The following DYRK1A variants were observed in gnomAD, a reference collection of about 807,000 sequenced individuals.
DYRK1A encodes the protein dual specificity tyrosine phosphorylation regulated kinase 1A.
Under a neutral mutation model 79.7 loss-of-function variants are expected in DYRK1A, and 9 were observed. The observed-to-expected ratio is 0.11, with a 90% CI of 0.07 to 0.20. The LOEUF is 0.20. Ranked by LOEUF, DYRK1A falls within the 10% of genes least tolerant of loss-of-function variation. The probability of loss-of-function intolerance (pLI) is 1.00; values close to 1 mark genes in which losing one functional copy is unlikely to be tolerated. For missense variants in DYRK1A, 622 were observed against 956.0 expected (o/e 0.65, Z 4.61); for synonymous variants, 349 against 329.7 (o/e 1.06, Z -0.63).
intron 1 of DYRK1A, among the ~76,000 whole-genome samples, chr21:37,377,367 C>A (rs2049567416): frequency 6.6e-6 from 1 of 152,188 alleles, no homozygotes. Context: ...GATCCGCTTA[C>A]CTCGGCCTCC....
At chr21:37,445,479 G>T (rs2051238408) in intron 2 of DYRK1A, among the ~76,000 whole-genome samples, 2 of 152,162 alleles carry the variant, frequency 1.3e-5, no homozygotes, top group South Asian at 4.1e-4. Flanking sequence ...TGCTTTTGTG[G>T]AGCTCGTTTT....
chr21:37,432,098 A>G (rs1163537181), intron 2 of DYRK1A, among the ~76,000 whole-genome samples: 1 of 152,188 alleles, frequency 6.6e-6, no homozygotes, highest in Non-Finnish European at 1.5e-5. Context: ...TTATGTTTTC[A>G]TGATACCTAA....
At chr21:37,422,823 AAT>A (rs1263777858) in intron 2 of DYRK1A, among the ~76,000 whole-genome samples, 1 of 152,152 alleles carries the variant, frequency 6.6e-6, no homozygotes, top group Non-Finnish European at 1.5e-5. Context: ...GAGAGAAAAA[AAT>A]AGTTTTACTG....
rs1395930040 is a variant in DYRK1A at position 37,519,840 on chromosome 21, C to T, written c.*7309C>T. Reference sequence around the variant, plus strand: ...CACTGCAAGCTCCGCCTCCTGGGTTCACGCCATTCGCCTGCCTCAGCCTCC... The same window carrying T: ...CACTGCAAGCTCCGCCTCCTGGGTTTACGCCATTCGCCTGCCTCAGCCTCC... On this transcript the variant is annotated 3_prime_UTR_variant, in exon 12 of 12. Coordinates refer to ENST00000647188, the MANE Select transcript of DYRK1A (RefSeq NM_001347721.2). 1 of 147,748 alleles carries T rather than the reference C, an allele frequency of 6.8e-6. No homozygotes were observed. The highest frequency in any genetic ancestry group is 1.5e-5 in the Non-Finnish European group (1 of 67,476). The allele number at this position is 147,748 out of a possible 1,614,324, so 9.2% of individuals were successfully genotyped here. A position where few individuals can be genotyped will look rare whatever the true frequency, so the allele number is the denominator to read the frequency against.
intron 7 of DYRK1A, 42 bp from the exon 8 acceptor site, chr21:37,492,975 T>C: frequency 6.6e-7 from 1 of 1,514,556 alleles, no homozygotes; most frequent in African/African-American, 1.4e-5. Context: ...CTGACTGCAG[T>C]TTTAAGCAAT....
intron 1 of DYRK1A, among the ~76,000 whole-genome samples, chr21:37,380,929 ACTTCTATCAG>A (rs956172221): frequency 6.6e-6 from 1 of 151,988 alleles, no homozygotes; most frequent in Non-Finnish European, 1.5e-5. Flanking sequence ...TGGGATCATC[ACTTCTATCAG>A]CTCTTCTATC....
chr21:37,478,322 T>C lies in DYRK1A; in HGVS notation c.300+22T>C, dbSNP rs745517944. Reference sequence around the variant, plus strand: ...TGAGGTAAGACTTGATTTGTTATAATAACATCTATCTTGCAGTATGTCATT... The same window carrying C: ...TGAGGTAAGACTTGATTTGTTATAACAACATCTATCTTGCAGTATGTCATT... On this transcript the variant is annotated intron_variant, in intron 4 of 11. Transcript: ENST00000647188. 4.4e-6 allele frequency: 7 copies of C among 1,607,660 alleles called. No homozygotes were observed. The East Asian group carries it at 1.6e-4, about 36-fold the overall frequency.
intron 2 of DYRK1A, among the ~76,000 whole-genome samples, chr21:37,462,262 G>A (rs1316853630): frequency 6.6e-6 from 1 of 152,136 alleles, no homozygotes; most frequent in East Asian, 1.9e-4. Context: ...TGGCCCGTGA[G>A]TGTTTGGATT....
At chr21:37,392,114 C>A (rs949578034) in intron 1 of DYRK1A, among the ~76,000 whole-genome samples, 2 of 152,126 alleles carry the variant, frequency 1.3e-5, no homozygotes, top group Admixed American at 1.3e-4. Flanking sequence ...GTTTGTGTGC[C>A]TGTATGTGAC....
intron 2 of DYRK1A, among the ~76,000 whole-genome samples, chr21:37,447,538 A>G (rs2051312690): frequency 6.6e-6 from 1 of 152,146 alleles, no homozygotes; most frequent in Non-Finnish European, 1.5e-5. Flanking sequence ...CTTTTGTGCT[A>G]CATGGGAAGA....
upstream of DYRK1A, among the ~76,000 whole-genome samples, chr21:37,366,733 T>C (rs1450116746): frequency 1.3e-5 from 2 of 151,576 alleles, no homozygotes. Context: ...CGTCAGCACG[T>C]CAGCCGGGGT....
At chr21:37,452,321 C>A in intron 2 of DYRK1A, among the ~76,000 whole-genome samples, 1 of 137,236 alleles carries the variant, frequency 7.3e-6, no homozygotes, top group African/African-American at 2.8e-5. Context: ...TTCCAGAGGC[C>A]AAAGTCACAG....
At chr21:37,375,471 T>C (rs1749934029) in intron 1 of DYRK1A, among the ~76,000 whole-genome samples, 1 of 151,990 alleles carries the variant, frequency 6.6e-6, no homozygotes, top group African/African-American at 2.4e-5. Flanking sequence ...AAATCTGGAA[T>C]TCTCTAGTTT....
Position 37,517,017 on chromosome 21 carries a change from A to G in DYRK1A, c.*4486A>G, listed in dbSNP as rs2053887775. ...TCAGGTGTGGAATTAATGTGGGTAA[A>G]TTTCCATTTCAGTTGAATTTCCTGT... On this transcript the variant is annotated 3_prime_UTR_variant, in exon 12 of 12. Coordinates refer to ENST00000647188, the MANE Select transcript of DYRK1A (RefSeq NM_001347721.2). 6.6e-6 allele frequency: 1 copy of G among 152,066 alleles called. No homozygotes were observed. The highest frequency in any genetic ancestry group is 6.6e-5 in the Admixed American group (1 of 15,266). 9.4% of individuals were successfully genotyped at this position (152,066 alleles called of 1,614,324 possible).
chr21:37,506,058 T>C, intron 10 of DYRK1A, 41 bp from the exon 11 acceptor site: 2 of 1,581,898 alleles, frequency 1.3e-6, no homozygotes, highest in Non-Finnish European at 1.7e-6. Flanking sequence ...AAAATGAATT[T>C]TAAACTCACA....
At chr21:37,409,754 G>A (rs1386011352) in intron 1 of DYRK1A, among the ~76,000 whole-genome samples, 1 of 151,900 alleles carries the variant, frequency 6.6e-6, no homozygotes, top group East Asian at 1.9e-4. Flanking sequence ...TGCTTTCTTC[G>A]AGTGTTTTCT....
chr21:37,472,850 T>G lies in DYRK1A; in HGVS notation c.177T>G (p.Ser59=). The G allele has an allele frequency of 6.3e-7, 1 of 1,594,214 alleles. No individual in the cohort carries two copies. Among genetic ancestry groups the G allele is most frequent in the Non-Finnish European group, 8.6e-7 (1 of 1,166,862 alleles). The part of the protein sequence containing the change: ...SDQQVSALSY[S]DQIQQPLTNQ... ...AACAGGTTTCTGCCTTATCATATTC[T>G]GACCAGATTCAGCAACCTCTAACTA... Residue 59 remains serine (S), a synonymous_variant, in exon 3 of 12, where the codon TCT becomes TCG. Transcript: ENST00000647188.
In DYRK1A at chr21:37,519,739, T is replaced by TTTTTTG. The variant is rs2053917643; in HGVS notation, c.*7213_*7214insGTTTTT. The TTTTTTG allele has an allele frequency of 6.3e-5, 5 of 79,812 alleles. No homozygotes were observed. The highest frequency in any genetic ancestry group is 2.3e-4 in the African/African-American group (4 of 17,252). The allele number at this position is 79,812 out of a possible 1,614,324, so 4.9% of individuals were successfully genotyped here. A position where few individuals can be genotyped will look rare whatever the true frequency, so the allele number is the denominator to read the frequency against. On this transcript the variant is annotated 3_prime_UTR_variant, in exon 12 of 12. Transcript: ENST00000647188. ...GTTTTGAGGTTTGTTGTGGGAAGTT[T>TTTTTTG]TTTTTTTTTTTTTTTTTTTTGAGGC...
intron 2 of DYRK1A, among the ~76,000 whole-genome samples, chr21:37,461,955 G>A (rs1380962849): frequency 6.6e-6 from 1 of 150,866 alleles, no homozygotes; most frequent in African/African-American, 2.4e-5. Context: ...TGTCTGAACT[G>A]CTATTAGGTC....
Sources: gnomAD v4.1 joint callset for allele counts (sites outside exome capture counted in the v4.1 genomes callset) on GRCh38, gnomAD v4.1.1 for gene constraint, MANE v1.5 for transcripts, NCBI Gene and HGNC (gene_info 2026-07-23, HGNC 2026-07-21) for gene names.